Variants in PIK3R4 observed in about 807,000 individuals in gnomAD.
PIK3R4 encodes the protein phosphoinositide-3-kinase regulatory subunit 4, also known as phosphoinositide 3-kinase regulatory subunit 4.
A neutral mutation model predicts 136.5 loss-of-function variants in PIK3R4; 46 were observed. The observed-to-expected ratio is 0.34, with a 90% CI of 0.27 to 0.43. The LOEUF is 0.43. PIK3R4 is among the 20% of genes least tolerant of loss of function. The pLI, the probability that PIK3R4 is intolerant of heterozygous loss-of-function variation, is 1.00. For missense variants in PIK3R4, 1,331 were observed against 1,649.5 expected, an observed-to-expected ratio of 0.81 and a Z score of 3.35; for synonymous variants, 557 against 566.7, an observed-to-expected ratio of 0.98 and a Z score of 0.24.
intron 7 of PIK3R4, 86 bp from the exon 8 acceptor site, chr3:130,718,620 C>T: frequency 7.3e-7 from 1 of 1,360,876 alleles, no homozygotes; most frequent in East Asian, 2.4e-5. Context: ...ACGTAACTGA[C>T]AAAAGGATTT....
At chr3:130,698,367 T>C (rs1180857347) in intron 13 of PIK3R4, among the ~76,000 whole-genome samples, 2 of 152,216 alleles carry the variant, frequency 1.3e-5, no homozygotes, top group Non-Finnish European at 2.9e-5. Flanking sequence ...ACCACAGGTC[T>C]CTAAGGCTCT....
At chr3:130,684,161 T>TA (rs1445466069) in intron 16 of PIK3R4, 89 bp downstream of exon 16, 1 of 1,219,122 alleles carries the variant, frequency 8.2e-7, no homozygotes, top group African/African-American at 1.5e-5. Context: ...ATATGTAAAA[T>TA]AAAACTAAAA....
chr3:130,727,198 G>T (rs757724147), intron 6 of PIK3R4, among the ~76,000 whole-genome samples: 2 of 151,428 alleles, frequency 1.3e-5, no homozygotes, highest in Non-Finnish European at 2.9e-5. Context: ...ACCTTTCCTA[G>T]ATTATTGGGA....
chr3:130,722,073 T>C lies in PIK3R4; in HGVS notation c.1981+1341A>G, dbSNP rs986004361. Among the ~76,000 whole-genome samples the C allele has an allele frequency of 2.8e-4, 43 of 152,244 alleles. 1 individual carries two copies. Among genetic ancestry groups the C allele is most frequent in the Admixed American group, 2.0e-3 (30 of 15,294 alleles). ...AAAAATCACTACAACAGAATACACA[T>C]AGTTTAAAAACAGAATGAGAGAGAT... is the stretch of plus-strand genomic sequence containing the variant. On this transcript the variant is annotated intron_variant, in intron 7 of 19. Coordinates refer to ENST00000356763, the MANE Select transcript of PIK3R4 (RefSeq NM_014602.3).
chr3:130,680,368 G>C (rs1168236385), intron 19 of PIK3R4, among the ~76,000 whole-genome samples: 4 of 152,104 alleles, frequency 2.6e-5, no homozygotes, highest in Non-Finnish European at 5.9e-5. Context: ...GATAATAAAA[G>C]TGCTTCCTTA....
intron 11 of PIK3R4, among the ~76,000 whole-genome samples, chr3:130,706,616 G>C (rs1385437990): frequency 6.6e-6 from 1 of 152,120 alleles, no homozygotes; most frequent in African/African-American, 2.4e-5. Context: ...TATAGATATG[G>C]CTATGTTATA....
At position 130,690,628 on chromosome 3, in the gene PIK3R4, C is replaced by T. The variant is rs760751940; in HGVS notation, c.3125G>A (p.Gly1042Glu). Residue 1042 changes from glycine (G) to glutamate (E), a missense_variant, in exon 14 of 20, where the codon GGA becomes GAA. Physicochemically the swap from Gly to Glu is moderately conservative, Grantham distance 98 (BLOSUM62 -2). Around this residue, in one of 2 missense-constraint regions of PIK3R4, gnomAD observed 1,180 missense variants for 1,407.0 expected, o/e 0.84. Transcript: ENST00000356763. ...TRSILTYSRI[G>E]GRVKTLTFCQ... is the part of the protein sequence containing the mutation. Reference sequence around the variant, plus strand: ...GAATGTGAGCGTCTTGACTCGTCCTCCAATTCGGCTGTATGTAAGAATAGA... The same window carrying T: ...GAATGTGAGCGTCTTGACTCGTCCTTCAATTCGGCTGTATGTAAGAATAGA... The T allele has an allele frequency of 1.2e-6, 2 of 1,609,532 alleles. No homozygotes were observed. The highest frequency in any genetic ancestry group is 1.7e-6 in the Non-Finnish European group (2 of 1,176,718).
Position 130,733,621 on chromosome 3 carries a change from A to G in PIK3R4, c.1377T>C (p.Tyr459=), listed in dbSNP as rs1042645654. Residue 459 remains tyrosine, a synonymous_variant, in exon 4 of 20, where the codon TAT becomes TAC. Coordinates refer to ENST00000356763, the MANE Select transcript of PIK3R4 (RefSeq NM_014602.3). Reference sequence around the variant, plus strand: ...CTATGCCTGGCAGAATGTATTCCGGATAAATATTGATATCATTACGAGGAA... The same window carrying G: ...CTATGCCTGGCAGAATGTATTCCGGGTAAATATTGATATCATTACGAGGAA... ...KEVPRNDINI[Y]PEYILPGIAH... 22 of 1,614,152 alleles carry G rather than the reference A, an allele frequency of 1.4e-5. No individual in the cohort carries two copies. Among genetic ancestry groups the G allele is most frequent in the East Asian group, 6.7e-5 (3 of 44,888 alleles).
intron 8 of PIK3R4, among the ~76,000 whole-genome samples, chr3:130,716,810 G>A (rs1295731043): frequency 1.0e-5 from 1 of 96,372 alleles, no homozygotes; most frequent in African/African-American, 3.4e-5. Flanking sequence ...TAGACCACAC[G>A]TGTGTCTGTC....
intron 16 of PIK3R4, among the ~76,000 whole-genome samples, chr3:130,683,637 A>T (rs1184598117): frequency 6.6e-6 from 1 of 152,190 alleles, no homozygotes; most frequent in Non-Finnish European, 1.5e-5. Flanking sequence ...GACCACAAAG[A>T]GCCTAGAGGC....
chr3:130,698,885 A>G (rs888557793), intron 13 of PIK3R4, among the ~76,000 whole-genome samples: 1 of 152,226 alleles, frequency 6.6e-6, no homozygotes, highest in Non-Finnish European at 1.5e-5. Flanking sequence ...TCAGTTAGGT[A>G]AGTGATCACC....
At chr3:130,679,940 G>A (rs1169275399) in intron 19 of PIK3R4, among the ~76,000 whole-genome samples, 1 of 151,790 alleles carries the variant, frequency 6.6e-6, no homozygotes, top group Admixed American at 6.6e-5. Context: ...GCAGGGTGTG[G>A]TGGCGTGCAC....
Position 130,746,712 on chromosome 3 carries a change from G to C in PIK3R4, c.-441C>G, listed in dbSNP as rs1427771206. ...CTCCTCGAGGGCCTCACCACCGGGC[G>C]GGGGGAGATGGAACCCGGGAGAGAA... is the stretch of plus-strand genomic sequence containing the variant. On this transcript the variant is annotated 5_prime_UTR_variant, in exon 1 of 20. Coordinates refer to ENST00000356763, the MANE Select transcript of PIK3R4 (RefSeq NM_014602.3). 1.3e-5 allele frequency: 2 copies of C among 152,304 alleles called. No individual in the cohort carries two copies. Among genetic ancestry groups the C allele is most frequent in the Non-Finnish European group, 2.9e-5 (2 of 68,168 alleles). The allele number at this position is 152,304 out of a possible 1,614,324, so 9.4% of individuals were successfully genotyped here. A position where few individuals can be genotyped will look rare whatever the true frequency, so the allele number is the denominator to read the frequency against.
intron 14 of PIK3R4, 30 bp downstream of exon 14, chr3:130,690,460 A>G (rs375119113): frequency 1.3e-6 from 2 of 1,563,934 alleles, no homozygotes; most frequent in Non-Finnish European, 8.7e-7. Context: ...CACTAAATAC[A>G]ATGTTTAAGA....
At chr3:130,717,477 T>A (rs1244940945) in intron 8 of PIK3R4, among the ~76,000 whole-genome samples, 1 of 152,124 alleles carries the variant, frequency 6.6e-6, no homozygotes, top group Non-Finnish European at 1.5e-5. Flanking sequence ...TAAAAAGGCA[T>A]TTTTTTCTGA....
chr3:130,703,891 A>G lies in PIK3R4; in HGVS notation c.2933-3T>C. On this transcript the variant is annotated splice_region_variant and splice_polypyrimidine_tract_variant and intron_variant, in intron 12 of 19. Coordinates refer to ENST00000356763, the MANE Select transcript of PIK3R4 (RefSeq NM_014602.3). Reference sequence around the variant, plus strand: ...TAACAGCCCTTTAGGACGCCATCCTAAGGAAAAGCAAAGGAGTGTATCATA... The same window carrying G: ...TAACAGCCCTTTAGGACGCCATCCTGAGGAAAAGCAAAGGAGTGTATCATA... The G allele has an allele frequency of 6.2e-6, 10 of 1,604,574 alleles. No individual in the cohort carries two copies. Among genetic ancestry groups the G allele is most frequent in the Non-Finnish European group, 8.5e-6 (10 of 1,173,050 alleles).
At chr3:130,731,417 C>A (rs1165036964) in intron 4 of PIK3R4, among the ~76,000 whole-genome samples, 1 of 152,064 alleles carries the variant, frequency 6.6e-6, no homozygotes, top group Admixed American at 6.6e-5. Context: ...CCACTCCCCA[C>A]CCCTGCTAGG....
intron 13 of PIK3R4, among the ~76,000 whole-genome samples, chr3:130,699,142 T>C (rs548481788): frequency 6.6e-6 from 1 of 152,324 alleles, no homozygotes; most frequent in Non-Finnish European, 1.5e-5. Flanking sequence ...ATCAAAACTT[T>C]TCAAAGGCCC....
intron 6 of PIK3R4, among the ~76,000 whole-genome samples, chr3:130,727,769 AAG>A (rs1287333545): frequency 6.6e-6 from 1 of 152,220 alleles, no homozygotes; most frequent in African/African-American, 2.4e-5. Context: ...TATTATTCAA[AAG>A]AGAAAAATAT....
Sources: allele counts gnomAD v4.1 joint callset (sites outside exome capture counted in the v4.1 genomes callset), GRCh38; gene constraint gnomAD v4.1.1; regional missense constraint gnomAD v4.1.1; transcripts MANE v1.5; gene names NCBI Gene and HGNC (gene_info 2026-07-23, HGNC 2026-07-21).